The following DDN variants were observed in gnomAD, a reference collection of about 807,000 sequenced individuals.
DDN encodes the protein dendrin.
DDN carries 4 observed loss-of-function variants against 7.3 expected under a neutral mutation model. The observed-to-expected ratio is 0.55, with a 90% CI of 0.27 to 1.25. The LOEUF is 1.25. Ranked by LOEUF, DDN falls within the 50% of genes most tolerant of loss-of-function variation. DDN has a pLI of 0.12. For missense variants in DDN, 933 were observed against 974.7 expected (o/e 0.96, Z 0.57); for synonymous variants, 425 against 424.3 (o/e 1.00, Z -0.02).
In DDN at chr12:48,996,839, A is replaced by T. The variant is rs745536653; in HGVS notation, c.2037T>A (p.Ser679Arg). The T allele has an allele frequency of 3.7e-5, 60 of 1,614,060 alleles. No homozygotes were observed. In the South Asian group the frequency reaches 6.3e-4, roughly 17 times the overall value. The change falls in exon 2 of 2, where the codon AGT becomes AGA. Residue 679 changes from serine to arginine, a missense_variant. Ser to Arg is a moderately radical substitution (Grantham distance 110). Coordinates refer to ENST00000421952, the MANE Select transcript of DDN (RefSeq NM_015086.2). The part of the protein sequence containing the change: ...EDGKTAELSD[S>R]VGEILDVISQ... Reference sequence around the variant, plus strand: ...TTATGACATCTAGGATCTCCCCGACACTGTCGCTCAGTTCCGCTGTCTTCC... The same window carrying T: ...TTATGACATCTAGGATCTCCCCGACTCTGTCGCTCAGTTCCGCTGTCTTCC...
chr12:48,998,721 G>A (rs1024346945), intron 1 of DDN, 55 bp from the exon 2 acceptor site: 17 of 1,438,336 alleles, frequency 1.2e-5, no homozygotes, highest in Middle Eastern at 2.4e-4. Context: ...GGGAGCCGAG[G>A]TCCGGGGAGC....
chr12:48,998,526 G>T lies in DDN; in HGVS notation c.350C>A (p.Ser117Ter). ...GGTCTCCTTGGCCTCCCGCTCCTGC[G>T]ACGCCGCTTTCCTTTTCTCTTGCTC... ...AREQEKRKAA[S>*]QEREAKETER... Residue 117 changes from serine (S) to a stop codon, truncating the protein, a stop_gained, in exon 2 of 2, where the codon TCG becomes TAG. Transcript: ENST00000421952. LOFTEE classifies it low-confidence loss of function (END_TRUNC). 1 of 1,594,120 alleles carries T rather than the reference G, an allele frequency of 6.3e-7. No homozygotes were observed.
At position 48,996,830 on chromosome 12, in the gene DDN, C is replaced by A; in HGVS notation, c.2046G>T (p.Glu682Asp). ...CGGTTTGGCTTATGACATCTAGGAT[C>A]TCCCCGACACTGTCGCTCAGTTCCG... ...KTAELSDSVG[E>D]ILDVISQTEE... The change falls in exon 2 of 2, where the codon GAG becomes GAT. Residue 682 changes from glutamate (E) to aspartate (D), a missense_variant. Coordinates refer to ENST00000421952, the MANE Select transcript of DDN (RefSeq NM_015086.2). The A allele has an allele frequency of 6.2e-7, 1 of 1,614,222 alleles. No homozygotes were observed. Among genetic ancestry groups the A allele is most frequent in the South Asian group, 1.1e-5 (1 of 91,088 alleles).
In DDN at chr12:48,998,495, T is replaced by C; in HGVS notation, c.381A>G (p.Arg127=). 1 of 1,586,418 alleles carries C rather than the reference T, an allele frequency of 6.3e-7. No homozygotes were observed. Among genetic ancestry groups the C allele is most frequent in the South Asian group, 1.1e-5 (1 of 89,250 alleles). ...GGGCCCCACCAGCCTTGCGCCTTTTTCGCTCGGTCTCCTTGGCCTCCCGCT... is the reference window on the plus strand; with the variant it reads ...GGGCCCCACCAGCCTTGCGCCTTTTCCGCTCGGTCTCCTTGGCCTCCCGCT... ...SQEREAKETE[R]KRRKAGGARR... Residue 127 remains arginine (R), a synonymous_variant, in exon 2 of 2, where the codon CGA becomes CGG. Transcript: ENST00000421952.
Position 48,999,317 on chromosome 12 carries a change from C to T in DDN, c.-30G>A. On this transcript the variant is annotated 5_prime_UTR_variant, in exon 1 of 2. Transcript: ENST00000421952. ...CCCCACCCCACCCCGGCCCCCCACC[C>T]TCCCACCCGCCCCAGGAGCCCCCTC... 4 of 1,500,856 alleles carry T rather than the reference C, an allele frequency of 2.7e-6. No individual in the cohort carries two copies. The highest frequency in any genetic ancestry group is 3.6e-6 in the Non-Finnish European group (4 of 1,126,222). The allele number at this position is 1,500,856 out of a possible 1,614,324, so 93.0% of individuals were successfully genotyped here.
chr12:48,999,059 C>T lies in DDN; in HGVS notation c.209+20G>A, dbSNP rs1296552525. The stretch of plus-strand genomic sequence containing the variant: ...CTCCCCGCCCCACCACTCTCTTCCC[C>T]TCACCCCTGCTTCACTCACGTGCGG... On this transcript the variant is annotated intron_variant, in intron 1 of 1. Coordinates refer to ENST00000421952, the MANE Select transcript of DDN (RefSeq NM_015086.2). The T allele has an allele frequency of 1.2e-6, 2 of 1,613,444 alleles. No homozygotes were observed. Among genetic ancestry groups the T allele is most frequent in the African/African-American group, 1.3e-5 (1 of 74,864 alleles).
In DDN at chr12:48,999,295, C is replaced by T. The variant is rs1941265648; in HGVS notation, c.-8G>A. The T allele has an allele frequency of 2.6e-6, 4 of 1,525,836 alleles. No homozygotes were observed. In the African/African-American group the frequency reaches 4.2e-5, roughly 16 times the overall value. 94.5% of individuals were successfully genotyped at this position (1,525,836 alleles called of 1,614,324 possible). A position where few individuals can be genotyped will look rare whatever the true frequency, so the allele number is the denominator to read the frequency against. On this transcript the variant is annotated 5_prime_UTR_variant, in exon 1 of 2. Coordinates refer to ENST00000421952, the MANE Select transcript of DDN (RefSeq NM_015086.2). Reference sequence around the variant, plus strand: ...CAGTGGGCCATCCAGCATCCTGCCCCACCCCACCCCGGCCCCCCACCCTCC... The same window carrying T: ...CAGTGGGCCATCCAGCATCCTGCCCTACCCCACCCCGGCCCCCCACCCTCC...
intron 1 of DDN, 110 bp from the exon 2 acceptor site, chr12:48,998,776 G>T: frequency 7.7e-7 from 1 of 1,303,102 alleles, no homozygotes; most frequent in South Asian, 1.6e-5. Flanking sequence ...GAAGGGGTGT[G>T]TGTGAGTGTG....
Position 48,998,306 on chromosome 12 carries a change from C to A in DDN, c.570G>T (p.Ala190=). ...CGGGCCGCCGACCTCCCCAGGGCCC[C>A]GCCCACGCCGACCCTGGGTCGCTCT... The part of the protein sequence containing the change: ...QPQSDPGSAW[A]GPWGGRRPGP... Residue 190 remains alanine (A), a synonymous_variant, in exon 2 of 2, where the codon GCG becomes GCT. Coordinates refer to ENST00000421952, the MANE Select transcript of DDN (RefSeq NM_015086.2). 6.3e-7 allele frequency: 1 copy of A among 1,583,432 alleles called. No individual in the cohort carries two copies. Among genetic ancestry groups the A allele is most frequent in the Non-Finnish European group, 8.6e-7 (1 of 1,168,198 alleles).
rs1340595182 is a variant in DDN, at chr12:48,998,418, A to C, written c.458T>G (p.Val153Gly). The stretch of plus-strand genomic sequence containing the variant: ...AGCAGGGAGCCCTGCCAGCTGGGCC[A>C]CCCGAGGGGCGTTGCGGGGCTCCGG... Reference protein sequence around the residue: ...PRPEPRNAPRVAQLAGLPAPL... With the variant: ...PRPEPRNAPRGAQLAGLPAPL... Residue 153 changes from valine (V) to glycine (G), a missense_variant, in exon 2 of 2, where the codon GTG (valine) becomes GGG (glycine). Coordinates refer to ENST00000421952, the MANE Select transcript of DDN (RefSeq NM_015086.2). 8 of 1,505,002 alleles carry C rather than the reference A, an allele frequency of 5.3e-6. No individual in the cohort carries two copies. Among genetic ancestry groups the C allele is most frequent in the Non-Finnish European group, 7.0e-6 (8 of 1,136,428 alleles). The allele number at this position is 1,505,002 out of a possible 1,614,324, so 93.2% of individuals were successfully genotyped here.
In DDN at chr12:48,995,518, G is replaced by A. The variant is rs1000060268; in HGVS notation, c.*1222C>T. 1.3e-5 allele frequency: 2 copies of A among 152,422 alleles called. No individual in the cohort carries two copies. Among genetic ancestry groups the A allele is most frequent in the African/African-American group, 4.8e-5 (2 of 41,474 alleles). The allele number at this position is 152,422 out of a possible 1,614,324, so 9.4% of individuals were successfully genotyped here. On this transcript the variant is annotated 3_prime_UTR_variant, in exon 2 of 2. Transcript: ENST00000421952. ...CTGGAGACTGCAAGGCGGGGGACCC[G>A]CGCTCGGGAACTAGGGATAGGATTG...
At position 48,997,382 on chromosome 12, in the gene DDN, C is replaced by G. The variant is rs1444981402; in HGVS notation, c.1494G>C (p.Glu498Asp). 1 of 1,613,854 alleles carries G rather than the reference C, an allele frequency of 6.2e-7. No individual in the cohort carries two copies. The highest frequency in any genetic ancestry group is 8.5e-7 in the Non-Finnish European group (1 of 1,179,950). Reference protein sequence around the residue: ...DSPSQSKPGKEEGEGATVFPS... With the variant: ...DSPSQSKPGKDEGEGATVFPS... ...GAAAGACCGTGGCCCCTTCACCCTC[C>G]TCCTTGCCGGGCTTCGATTGGCTGG... is the stretch of plus-strand genomic sequence containing the variant. The change falls in exon 2 of 2, where the codon GAG becomes GAC. Residue 498 changes from glutamate (E) to aspartate (D), a missense_variant. Coordinates refer to ENST00000421952, the MANE Select transcript of DDN (RefSeq NM_015086.2).
intron 1 of DDN, 76 bp from the exon 2 acceptor site, chr12:48,998,742 G>A (rs1941255398): frequency 1.4e-6 from 2 of 1,420,848 alleles, no homozygotes; most frequent in Non-Finnish European, 1.8e-6. Flanking sequence ...TGGGAGCACT[G>A]GAGACCACTT....
rs774108206 is a variant in DDN at position 48,998,504 on chromosome 12, C to T, written c.372G>A (p.Glu124=). Residue 124 remains glutamate (E), a synonymous_variant, in exon 2 of 2, where the codon GAG becomes GAA. Coordinates refer to ENST00000421952, the MANE Select transcript of DDN (RefSeq NM_015086.2). ...CAGCCTTGCGCCTTTTTCGCTCGGT[C>T]TCCTTGGCCTCCCGCTCCTGCGACG... is the stretch of plus-strand genomic sequence containing the variant. ...KAASQEREAK[E]TERKRRKAGG... is the part of the protein sequence containing the mutation. The T allele has an allele frequency of 2.5e-6, 4 of 1,590,238 alleles. No individual in the cohort carries two copies. Among genetic ancestry groups the T allele is most frequent in the Non-Finnish European group, 3.4e-6 (4 of 1,175,894 alleles).
In DDN at chr12:48,999,332, G is replaced by A. The variant is rs1238117296; in HGVS notation, c.-45C>T. On this transcript the variant is annotated 5_prime_UTR_variant, in exon 1 of 2. Transcript: ENST00000421952. Reference sequence around the variant, plus strand: ...GCCCCCCACCCTCCCACCCGCCCCAGGAGCCCCCTCCCAGCCCAGGGAGCC... The same window carrying A: ...GCCCCCCACCCTCCCACCCGCCCCAAGAGCCCCCTCCCAGCCCAGGGAGCC... 1 of 1,141,362 alleles carries A rather than the reference G, an allele frequency of 8.8e-7. No homozygotes were observed. Among genetic ancestry groups the A allele is most frequent in the South Asian group, 1.4e-5 (1 of 69,368 alleles). The allele number at this position is 1,141,362 out of a possible 1,614,324, so 70.7% of individuals were successfully genotyped here.
chr12:48,996,895 C>T lies in DDN; in HGVS notation c.1981G>A (p.Glu661Lys). 1 of 1,613,556 alleles carries T rather than the reference C, an allele frequency of 6.2e-7. No homozygotes were observed. The highest frequency in any genetic ancestry group is 1.1e-5 in the South Asian group (1 of 91,002). Residue 661 changes from glutamate (E) to lysine (K), a missense_variant, in exon 2 of 2, where the codon GAG (glutamate) becomes AAG (lysine). Transcript: ENST00000421952. ...ASWRNERTLP[E>K]VGNSSPEEDG... is the part of the protein sequence containing the mutation. ...TCCTCTGGCGAACTGTTTCCAACCT[C>T]GGGCAGGGTCCTCTCATTCCGCCAG...
Position 48,997,299 on chromosome 12 carries a change from C to A in DDN, c.1577G>T (p.Gly526Val), listed in dbSNP as rs1317952184. The change falls in exon 2 of 2, where the codon GGC (glycine) becomes GTC (valine). Residue 526 changes from glycine (G) to valine (V), a missense_variant. By Grantham distance (109) the Gly-to-Val change is moderately radical. Coordinates refer to ENST00000421952, the MANE Select transcript of DDN (RefSeq NM_015086.2). Reference protein sequence around the residue: ...SSRLLHQPGGGRGGEAEGGRP... With the variant: ...SSRLLHQPGGVRGGEAEGGRP... Reference sequence around the variant, plus strand: ...CCCGCCCTCAGCTTCGCCCCCGCGGCCCCCGCCGGGCTGGTGTAAAAGGCG... The same window carrying A: ...CCCGCCCTCAGCTTCGCCCCCGCGGACCCCGCCGGGCTGGTGTAAAAGGCG... 1 of 1,608,876 alleles carries A rather than the reference C, an allele frequency of 6.2e-7. No homozygotes were observed. The highest frequency in any genetic ancestry group is 8.5e-7 in the Non-Finnish European group (1 of 1,178,168).
chr12:48,997,458 T>C lies in DDN; in HGVS notation c.1418A>G (p.Gln473Arg). 6.2e-7 allele frequency: 1 copy of C among 1,614,066 alleles called. No homozygotes were observed. The highest frequency in any genetic ancestry group is 8.5e-7 in the Non-Finnish European group (1 of 1,179,980). The stretch of plus-strand genomic sequence containing the variant: ...CCCAGAGGGCAAAAGCTGCACCTGC[T>C]GGGTTCGGGGGGTTGGAACATATTG... Reference protein sequence around the residue: ...RSQYVPTPRTQQVQLLPSGVT... With the variant: ...RSQYVPTPRTRQVQLLPSGVT... Residue 473 changes from glutamine to arginine, a missense_variant, in exon 2 of 2, where the codon CAG (glutamine) becomes CGG (arginine). Transcript: ENST00000421952.
rs529780624 is a variant in DDN, at chr12:48,996,733, G to A, written c.*7C>T. On this transcript the variant is annotated 3_prime_UTR_variant, in exon 2 of 2. Transcript: ENST00000421952. ...GCGTTGGGGACACAAATACAAGAAG[G>A]GGCCTCTCACTGCCTCTTCCTATTT... The A allele has an allele frequency of 3.0e-5, 49 of 1,609,826 alleles. No homozygotes were observed. Among genetic ancestry groups the A allele is most frequent in the African/African-American group, 1.7e-4 (13 of 74,938 alleles).
Sources: gnomAD v4.1 joint callset for allele counts on GRCh38, gnomAD v4.1.1 for gene constraint, MANE v1.5 for transcripts, NCBI Gene and HGNC (gene_info 2026-07-23, HGNC 2026-07-21) for gene names.